The following UBE2H variants were observed in gnomAD, a reference collection of about 807,000 sequenced individuals.
UBE2H encodes ubiquitin conjugating enzyme E2 H.
Under a neutral mutation model 29.0 loss-of-function variants are expected in UBE2H, and 3 were observed. The ratio of observed to expected loss-of-function variants is 0.10; its 90% confidence interval spans 0.05 to 0.27. The LOEUF is 0.27. UBE2H is among the 10% of genes least tolerant of loss of function. The pLI, the probability that UBE2H is intolerant of heterozygous loss-of-function variation, is 1.00. For missense variants in UBE2H, 68 were observed against 228.2 expected, an observed-to-expected ratio of 0.30 and a Z score of 4.52; for synonymous variants, 69 against 82.9, an observed-to-expected ratio of 0.83 and a Z score of 0.91.
intron 3 of UBE2H, among the ~76,000 whole-genome samples, chr7:129,861,889 A>C (rs1805810190): frequency 6.6e-6 from 1 of 152,210 alleles, no homozygotes; most frequent in African/African-American, 2.4e-5. Context: ...CTCCGTTTCC[A>C]AAAAAAGTTA....
At chr7:129,840,163 C>T (rs1365401298) in intron 5 of UBE2H, among the ~76,000 whole-genome samples, 2 of 152,054 alleles carry the variant, frequency 1.3e-5, no homozygotes, top group Non-Finnish European at 2.9e-5. Context: ...CAGATAAGCA[C>T]CAATCTACTG....
At chr7:129,901,055 C>CT (rs1806704356) in intron 1 of UBE2H, among the ~76,000 whole-genome samples, 1 of 152,122 alleles carries the variant, frequency 6.6e-6, no homozygotes, top group African/African-American at 2.4e-5. Flanking sequence ...CAGGTGTTTT[C>CT]TTTTTCTTTA....
In UBE2H at chr7:129,865,557, G is replaced by A. The variant is rs180947678; in HGVS notation, c.206-6616C>T. Among the ~76,000 whole-genome samples the A allele has an allele frequency of 4.1e-4, 63 of 152,278 alleles. 1 individual carries two copies. The highest frequency in any genetic ancestry group is 1.7e-3 in the Admixed American group (26 of 15,292). ...GTGAATCAAGGTAAATCCACCCTAC[G>A]GTAAACGGGTGAAGATCACCAAAGG... is the stretch of plus-strand genomic sequence containing the variant. On this transcript the variant is annotated intron_variant, in intron 3 of 6. Coordinates refer to ENST00000355621, the MANE Select transcript of UBE2H (RefSeq NM_003344.4).
At chr7:129,876,198 ACATG>A (rs1806141269) in intron 3 of UBE2H, among the ~76,000 whole-genome samples, 1 of 152,188 alleles carries the variant, frequency 6.6e-6, no homozygotes, top group Non-Finnish European at 1.5e-5. Flanking sequence ...GTCATATCAA[ACATG>A]CAGAATCTGT....
intron 3 of UBE2H, among the ~76,000 whole-genome samples, chr7:129,861,365 TTAG>T (rs1348681521): frequency 6.6e-6 from 1 of 152,128 alleles, no homozygotes; most frequent in African/African-American, 2.4e-5. Context: ...TGTAGAATTC[TTAG>T]TGGTGGTAGT....
chr7:129,843,998 C>A (rs982607158), intron 5 of UBE2H, among the ~76,000 whole-genome samples: 1 of 152,112 alleles, frequency 6.6e-6, no homozygotes, highest in Non-Finnish European at 1.5e-5. Flanking sequence ...GATTTTATAC[C>A]CTTTCCTACT....
intron 5 of UBE2H, among the ~76,000 whole-genome samples, chr7:129,853,015 C>T (rs1452651745): frequency 1.1e-4 from 16 of 152,142 alleles, no homozygotes; most frequent in Non-Finnish European, 7.3e-5. Context: ...CATGAGCCAC[C>T]GTGCCCAGCC....
chr7:129,868,578 C>T (rs1304649619), intron 3 of UBE2H, among the ~76,000 whole-genome samples: 2 of 93,906 alleles, frequency 2.1e-5, no homozygotes, highest in African/African-American at 4.3e-5. Context: ...CAGAGCGAGA[C>T]TCCGTCTCAA....
At chr7:129,879,467 T>C (rs547514163) in intron 3 of UBE2H, 101 bp downstream of exon 3, 1 of 1,136,898 alleles carries the variant, frequency 8.8e-7, no homozygotes, top group African/African-American at 1.6e-5. Flanking sequence ...AAAATTCAAT[T>C]AGACAGCCAT....
chr7:129,856,676 A>G (rs947199037), intron 5 of UBE2H, among the ~76,000 whole-genome samples: 2 of 152,192 alleles, frequency 1.3e-5, no homozygotes, highest in Non-Finnish European at 2.9e-5. Context: ...TGTATCCCTA[A>G]TTAACTTCAA....
At chr7:129,948,948 T>G (rs1191044929) in intron 1 of UBE2H, 1 of 456,148 alleles carries the variant, frequency 2.2e-6, no homozygotes, top group Admixed American at 2.4e-5. Context: ...ACACACTCTC[T>G]TGTCACATAC....
chr7:129,942,759 C>T (rs186276419), intron 1 of UBE2H, among the ~76,000 whole-genome samples: 8 of 152,132 alleles, frequency 5.3e-5, no homozygotes, highest in Admixed American at 3.3e-4. Context: ...AGTGTGCTTA[C>T]CTATTCACAA....
At chr7:129,892,031 C>A (rs1369380655) in intron 1 of UBE2H, among the ~76,000 whole-genome samples, 1 of 146,724 alleles carries the variant, frequency 6.8e-6, no homozygotes, top group Non-Finnish European at 1.5e-5. Context: ...GGGCTCACTG[C>A]AAGCTCCGCC....
At chr7:129,869,369 A>G (rs1423795748) in intron 3 of UBE2H, among the ~76,000 whole-genome samples, 1 of 151,920 alleles carries the variant, frequency 6.6e-6, no homozygotes, top group Non-Finnish European at 1.5e-5. Context: ...GACATCTCCT[A>G]TCCTACCAAT....
At chr7:129,841,755 G>C (rs1238821674) in intron 5 of UBE2H, among the ~76,000 whole-genome samples, 2 of 152,100 alleles carry the variant, frequency 1.3e-5, no homozygotes. Context: ...GCTGACTTCA[G>C]AACGGTCCTA....
chr7:129,836,507 A>C (rs1563017100), intron 6 of UBE2H, among the ~76,000 whole-genome samples: 1 of 152,218 alleles, frequency 6.6e-6, no homozygotes, highest in Non-Finnish European at 1.5e-5. Flanking sequence ...CCTGCCAGCT[A>C]TGGCATAGGA....
intron 3 of UBE2H, among the ~76,000 whole-genome samples, chr7:129,868,362 T>C (rs963338779): frequency 4.0e-5 from 6 of 151,776 alleles, no homozygotes; most frequent in African/African-American, 1.5e-4. Context: ...GGGTGGATCA[T>C]GAGGTCAGGA....
At chr7:129,949,490 G>A (rs907593032) in intron 1 of UBE2H, among the ~76,000 whole-genome samples, 7 of 152,156 alleles carry the variant, frequency 4.6e-5, no homozygotes, top group Admixed American at 3.3e-4. Context: ...CTCCTGGGGA[G>A]GTTTGCACAA....
intron 1 of UBE2H, among the ~76,000 whole-genome samples, chr7:129,928,355 C>A (rs1327609935): frequency 6.6e-6 from 1 of 152,076 alleles, no homozygotes; most frequent in East Asian, 1.9e-4. Context: ...GTAATCCCAG[C>A]ACTTTGGGAG....
Sources: gnomAD v4.1 joint callset for allele counts (sites outside exome capture counted in the v4.1 genomes callset) on GRCh38, gnomAD v4.1.1 for gene constraint, MANE v1.5 for transcripts, NCBI Gene and HGNC (gene_info 2026-07-23, HGNC 2026-07-21) for gene names.